AK5: variants seen among roughly 807,000 people sequenced by gnomAD.
AK5 encodes the protein adenylate kinase 5.
A neutral mutation model predicts 69.5 loss-of-function variants in AK5; 27 were observed. That is an observed-to-expected ratio of 0.39 (90% CI 0.29 to 0.54). The LOEUF (loss-of-function observed/expected upper bound fraction) is 0.54. Ranked by LOEUF, AK5 falls within the 20% of genes least tolerant of loss-of-function variation. The pLI is 0.71. For missense variants in AK5, 531 were observed against 700.4 expected, an observed-to-expected ratio of 0.76 and a Z score of 2.73; for synonymous variants, 260 against 244.4, an observed-to-expected ratio of 1.06 and a Z score of -0.60.
rs200549833 is a variant in AK5 at position 77,409,967 on chromosome 1, A to G, written c.892-1014A>G. ...TTCAATCTTCTGCATACGGCTAGCC[A>G]GTTATCCCAGCACTATTTATTGAAT... On this transcript the variant is annotated intron_variant, in intron 6 of 13. Transcript: ENST00000354567. Among the ~76,000 whole-genome samples, 7 of 152,290 alleles carry G rather than the reference A, an allele frequency of 4.6e-5. No homozygotes were observed. In the East Asian group the frequency reaches 1.4e-3, roughly 29 times the overall value.
intron 6 of AK5, among the ~76,000 whole-genome samples, chr1:77,360,375 G>A (rs76674114): frequency 0.018 from 2,690 of 152,284 alleles, 82 homozygotes; most frequent in African/African-American, 0.061. Context: ...CAAGCAAGAT[G>A]AGGACAGTAA....
At chr1:77,458,870 A>T (rs1653660531) in intron 8 of AK5, among the ~76,000 whole-genome samples, 1 of 152,176 alleles carries the variant, frequency 6.6e-6, no homozygotes, top group African/African-American at 2.4e-5. Context: ...GAGTGGCATT[A>T]TTTAGCTTAC....
intron 6 of AK5, among the ~76,000 whole-genome samples, chr1:77,384,445 C>A (rs1267094486): frequency 6.6e-6 from 1 of 151,986 alleles, no homozygotes; most frequent in African/African-American, 2.4e-5. Flanking sequence ...TATTTCATAT[C>A]CTTACTGAAA....
intron 1 of AK5, among the ~76,000 whole-genome samples, chr1:77,284,824 T>C (rs1658260155): frequency 6.6e-6 from 1 of 152,232 alleles, no homozygotes; most frequent in Admixed American, 6.5e-5. Context: ...CGTGAAGGAA[T>C]GGAGCTCATT....
chr1:77,402,537 C>T (rs1649297764), intron 6 of AK5, among the ~76,000 whole-genome samples: 1 of 149,888 alleles, frequency 6.7e-6, no homozygotes, highest in Admixed American at 6.7e-5. Flanking sequence ...TGAGTGAGAA[C>T]ATGCGGTGTT....
chr1:77,517,669 C>T (rs1031918380), intron 10 of AK5, among the ~76,000 whole-genome samples: 1 of 152,014 alleles, frequency 6.6e-6, no homozygotes, highest in African/African-American at 2.4e-5. Flanking sequence ...AGGGATATGG[C>T]AGATACTCAG....
chr1:77,486,354 T>C lies in AK5; in HGVS notation c.1147+2T>C. ...AGTGTAAAATTATTTTCATAATTGG[T>C]GAGTAACAGCCCTTGCATTTTCTAA... On this transcript the variant is annotated splice_donor_variant, in intron 10 of 13. Transcript: ENST00000354567. LOFTEE classifies it high-confidence loss of function. 1 of 1,578,532 alleles carries C rather than the reference T, an allele frequency of 6.3e-7. No individual in the cohort carries two copies. Among genetic ancestry groups the C allele is most frequent in the Non-Finnish European group, 8.7e-7 (1 of 1,151,198 alleles).
chr1:77,554,782 T>TTTA (rs1221256080), intron 13 of AK5, among the ~76,000 whole-genome samples: 3 of 149,136 alleles, frequency 2.0e-5, no homozygotes, highest in Non-Finnish European at 3.0e-5. Context: ...TTTTTTTTTT[T>TTTA]TTTTTTTGTA....
chr1:77,370,983 T>C (rs774240911), intron 6 of AK5, among the ~76,000 whole-genome samples: 1 of 152,248 alleles, frequency 6.6e-6, no homozygotes, highest in African/African-American at 2.4e-5. Context: ...CCAGTTATGC[T>C]TTCTTCTTTC....
At chr1:77,463,227 C>T (rs1054103278) in intron 8 of AK5, among the ~76,000 whole-genome samples, 5 of 152,188 alleles carry the variant, frequency 3.3e-5, no homozygotes, top group Admixed American at 6.5e-5. Context: ...ATAATCTCTC[C>T]TTCTCTGGGG....
intron 2 of AK5, chr1:77,293,437 G>T (rs886407610): frequency 5.5e-6 from 1 of 181,284 alleles, no homozygotes; most frequent in Non-Finnish European, 1.1e-5. Context: ...ATCTGAGAAG[G>T]TTCCTCTTAG....
At chr1:77,354,058 A>C (rs1377733) in intron 6 of AK5, among the ~76,000 whole-genome samples, 1 of 151,892 alleles carries the variant, frequency 6.6e-6, no homozygotes, top group African/African-American at 2.4e-5. Context: ...AAGAAATGAG[A>C]CATCTGAAAT....
intron 6 of AK5, chr1:77,349,395 T>G (rs1258351232): frequency 6.6e-6 from 1 of 152,152 alleles, no homozygotes; most frequent in Non-Finnish European, 1.5e-5. Context: ...ATTTTGTAAA[T>G]GAGAAAAACG....
rs559366969 is a variant in AK5 at position 77,349,439 on chromosome 1, A to G, written c.891+8871A>G. On this transcript the variant is annotated intron_variant, in intron 6 of 13. Transcript: ENST00000354567. ...TGAAAGTGTAGCCTACCAGGATCCC[A>G]CAAGAGCAGTGGAGTCTCAACCCAG... The G allele has an allele frequency of 3.3e-5, 5 of 152,330 alleles. No individual in the cohort carries two copies. In the South Asian group the frequency reaches 1.0e-3, roughly 32 times the overall value. 9.4% of individuals were successfully genotyped at this position (152,330 alleles called of 1,614,324 possible).
Position 77,463,972 on chromosome 1 carries a change from T to C in AK5, c.1060-19345T>C, listed in dbSNP as rs551934504. Among the ~76,000 whole-genome samples, 3 of 152,320 alleles carry C rather than the reference T, an allele frequency of 2.0e-5. No individual in the cohort carries two copies. In the South Asian group the frequency reaches 6.2e-4, roughly 32 times the overall value. ...TATATTGAGAATTATAAAAGTGCTA[T>C]GGGTTAATGAGGAGGGAGCCACTTA... On this transcript the variant is annotated intron_variant, in intron 8 of 13. Transcript: ENST00000354567.
intron 8 of AK5, among the ~76,000 whole-genome samples, chr1:77,460,205 AT>A (rs1246837782): frequency 6.6e-6 from 1 of 152,254 alleles, no homozygotes; most frequent in Non-Finnish European, 1.5e-5. Flanking sequence ...ACCTCACAGA[AT>A]GGGTCACCAT....
intron 6 of AK5, among the ~76,000 whole-genome samples, chr1:77,398,878 G>A (rs868398978): frequency 6.6e-6 from 1 of 151,994 alleles, no homozygotes; most frequent in Non-Finnish European, 1.5e-5. Context: ...CCTGTAGGTG[G>A]TATACGAGAT....
At chr1:77,300,975 A>G (rs1175980321) in intron 5 of AK5, among the ~76,000 whole-genome samples, 2 of 151,854 alleles carry the variant, frequency 1.3e-5, no homozygotes, top group African/African-American at 2.4e-5. Context: ...ATGTAGGCAC[A>G]TACACACATG....
intron 6 of AK5, among the ~76,000 whole-genome samples, chr1:77,388,549 G>A (rs1648177549): frequency 7.1e-6 from 1 of 141,450 alleles, no homozygotes; most frequent in African/African-American, 2.6e-5. Context: ...AAAAGAACCT[G>A]GTCGTTCTTT....
Sources: gnomAD v4.1 joint callset for allele counts (sites outside exome capture counted in the v4.1 genomes callset) on GRCh38, gnomAD v4.1.1 for gene constraint, MANE v1.5 for transcripts, NCBI Gene and HGNC (gene_info 2026-07-23, HGNC 2026-07-21) for gene names.